The following MVK variants were observed in gnomAD, a reference collection of about 807,000 sequenced individuals.
The protein encoded by MVK is mevalonate kinase.
In MVK, 34 loss-of-function variants were observed where a neutral mutation model predicts 43.2. That is an observed-to-expected ratio of 0.79 (90% CI 0.60 to 1.05). The LOEUF is 1.05. Among genes scored for constraint, MVK ranks in the 50% least tolerant of loss-of-function variants. The pLI, the probability that MVK is intolerant of heterozygous loss-of-function variation, is 0.00. For missense variants in MVK, 395 were observed against 504.0 expected (o/e 0.78, Z 2.07); for synonymous variants, 190 against 219.8 (o/e 0.86, Z 1.20).
At chr12:109,591,105 C>G (rs1450278313) in intron 8 of MVK, 136 bp from the exon 9 acceptor site, 1 of 975,748 alleles carries the variant, frequency 1.0e-6, no homozygotes, top group African/African-American at 1.6e-5. Context: ...AAAACAGGCT[C>G]AGAAGAGAGG....
Position 109,596,527 on chromosome 12 carries a change from T to C in MVK, c.1141T>C (p.Ser381Pro). The change falls in exon 11 of 11, where the codon TCA becomes CCA. Residue 381 changes from serine (S) to proline (P), a missense_variant. Transcript: ENST00000228510. ...CGGTGCCCCCGGCGTCTCCATCCAC[T>C]CAGCCACCTCCCTGGACAGCCGAGT... Reference protein sequence around the residue: ...SIGAPGVSIHSATSLDSRVQQ... With the variant: ...SIGAPGVSIHPATSLDSRVQQ... 2 of 1,612,486 alleles carry C rather than the reference T, an allele frequency of 1.2e-6. No homozygotes were observed. Among genetic ancestry groups the C allele is most frequent in the Non-Finnish European group, 1.7e-6 (2 of 1,179,926 alleles).
intron 1 of MVK, among the ~76,000 whole-genome samples, chr12:109,574,562 G>A (rs985418727): frequency 6.6e-6 from 1 of 152,148 alleles, no homozygotes; most frequent in Non-Finnish European, 1.5e-5. Flanking sequence ...GGAAACCGAG[G>A]TTCTTAGCCA....
Position 109,573,822 on chromosome 12 carries a change from C to T in MVK, c.-66C>T. The T allele has an allele frequency of 4.0e-6, 1 of 248,982 alleles. No individual in the cohort carries two copies. Among genetic ancestry groups the T allele is most frequent in the Admixed American group, 5.6e-5 (1 of 17,812 alleles). 15.4% of individuals were successfully genotyped at this position (248,982 alleles called of 1,614,324 possible). On this transcript the variant is annotated 5_prime_UTR_variant, in exon 1 of 11. Coordinates refer to ENST00000228510, the MANE Select transcript of MVK (RefSeq NM_000431.4). The stretch of plus-strand genomic sequence containing the variant: ...CTGGGTTGTGGGAGTTGGGGAGCTG[C>T]TCCGGCTTCGGCGCGGAGGGGCGGC...
At chr12:109,587,443 C>T (rs1956007358) in intron 7 of MVK, among the ~76,000 whole-genome samples, 1 of 152,178 alleles carries the variant, frequency 6.6e-6, no homozygotes, top group African/African-American at 2.4e-5. Context: ...TTTCAGCATC[C>T]TCTGTTCTGT....
At chr12:109,592,420 G>A (rs1442908047) in intron 9 of MVK, among the ~76,000 whole-genome samples, 4 of 152,318 alleles carry the variant, frequency 2.6e-5, no homozygotes, top group South Asian at 2.1e-4. Context: ...TGCAGCAGCC[G>A]TCAGTGAAGG....
intron 1 of MVK, among the ~76,000 whole-genome samples, chr12:109,574,216 C>A (rs1181671486): frequency 6.6e-6 from 1 of 152,204 alleles, no homozygotes; most frequent in Non-Finnish European, 1.5e-5. Context: ...CTGCAAGCTC[C>A]TTTCTAGGAC....
intron 9 of MVK, 27 bp downstream of exon 9, chr12:109,591,384 GT>G (rs1566150925): frequency 4.4e-6 from 7 of 1,599,164 alleles, no homozygotes; most frequent in Non-Finnish European, 6.0e-6. Context: ...AGGAACCGGG[GT>G]TACTGAGTCC....
chr12:109,579,516 C>T (rs1277897036), intron 3 of MVK, among the ~76,000 whole-genome samples: 3 of 152,210 alleles, frequency 2.0e-5, no homozygotes, highest in Non-Finnish European at 4.4e-5. Context: ...TTTAACTTTA[C>T]GTTCCTGACA....
chr12:109,585,142 C>T lies in MVK; in HGVS notation c.528-880C>T, dbSNP rs563853926. ...TGGTCCATGGAAGGCAGTGAGGCCA[C>T]GTGCTTGGGAGAGATCCAGACATGG... On this transcript the variant is annotated intron_variant, in intron 5 of 10. Coordinates refer to ENST00000228510, the MANE Select transcript of MVK (RefSeq NM_000431.4). Among the ~76,000 whole-genome samples, 8 of 152,318 alleles carry T rather than the reference C, an allele frequency of 5.3e-5. No individual in the cohort carries two copies. In the East Asian group the frequency reaches 7.7e-4, roughly 15 times the overall value.
At chr12:109,585,640 G>A (rs956682167) in intron 5 of MVK, among the ~76,000 whole-genome samples, 1 of 152,158 alleles carries the variant, frequency 6.6e-6, no homozygotes, top group Non-Finnish European at 1.5e-5. Context: ...GTGCTGGTGT[G>A]CACCTGTTGT....
Position 109,595,168 on chromosome 12 carries a change from A to G in MVK, c.1026A>G (p.Thr342=). 6.2e-7 allele frequency: 1 copy of G among 1,613,088 alleles called. No homozygotes were observed. The highest frequency in any genetic ancestry group is 8.5e-7 in the Non-Finnish European group (1 of 1,179,798). Residue 342 remains threonine, a synonymous_variant, in exon 10 of 11, where the codon ACA becomes ACG. Transcript: ENST00000228510. This position sits in a 1 kb window ranked among gnomAD's most constrained non-coding sequence, Gnocchi z 5.9. Reference sequence around the variant, plus strand: ...CAGGCGGTGGTGGCTGTGGCATCACACTCCTCAAGCCAGGTATCCCGGGGG... The same window carrying G: ...CAGGCGGTGGTGGCTGTGGCATCACGCTCCTCAAGCCAGGTATCCCGGGGG... The part of the protein sequence containing the change: ...TGAGGGGCGI[T]LLKPGLEQPE...
In MVK at chr12:109,591,152, ACCT is replaced by A. The variant is rs1013660689; in HGVS notation, c.769-83_769-81del. 3.2e-6 allele frequency: 4 copies of A among 1,265,504 alleles called. No individual in the cohort carries two copies. In the African/African-American group the frequency reaches 5.9e-5, roughly 19 times the overall value. The allele number at this position is 1,265,504 out of a possible 1,614,324, so 78.4% of individuals were successfully genotyped here. ...GAGGATGGGCACGGGCTGTGTGAAC[ACCT>A]CCTCCCTCCACCCCACTGCTGGGGC... On this transcript the variant is annotated intron_variant, in intron 8 of 10. Coordinates refer to ENST00000228510, the MANE Select transcript of MVK (RefSeq NM_000431.4).
chr12:109,587,289 G>T (rs527789793), intron 7 of MVK, among the ~76,000 whole-genome samples: 244 of 152,288 alleles, frequency 1.6e-3, no homozygotes, highest in African/African-American at 5.6e-3. Flanking sequence ...GGATGGAAGC[G>T]GGAGGGAGGC....
chr12:109,587,994 CTTGCCGCCGACCT>C (rs138132380), intron 7 of MVK: 25,943 of 152,242 alleles, frequency 0.17, 2,291 homozygotes, highest in African/African-American at 0.19. Flanking sequence ...CAGAATCACC[CTTGCCGCCGACCT>C]TTGCACTCCG....
At chr12:109,573,538 G>T, upstream of MVK, 1 of 1,554,166 alleles carries the variant, frequency 6.4e-7, no homozygotes, top group Non-Finnish European at 8.7e-7. Flanking sequence ...TCCGCGGGGT[G>T]ACTCCACCCA....
intron 4 of MVK, among the ~76,000 whole-genome samples, chr12:109,580,254 C>T (rs939900360): frequency 4.6e-5 from 7 of 152,100 alleles, no homozygotes; most frequent in Non-Finnish European, 1.0e-4. Context: ...AGGTGCGCAC[C>T]ACCATGCCTG....
chr12:109,584,873 G>A (rs540628339), intron 5 of MVK, among the ~76,000 whole-genome samples: 1 of 152,214 alleles, frequency 6.6e-6, no homozygotes, highest in Non-Finnish European at 1.5e-5. Context: ...GGACAAGAGC[G>A]AAACTCCATC....
rs373095009 is a variant in MVK at position 109,576,038 on chromosome 12, G to T, written c.119G>T (p.Arg40Leu). Residue 40 changes from arginine to leucine, a missense_variant, in exon 3 of 11, where the codon CGG becomes CTG. By Grantham distance (102) the Arg-to-Leu change is moderately radical. Transcript: ENST00000228510. ...TCCTTGAACTTGAGAACATTCCTCC[G>T]GCTTCAACCCCACAGCAATGGGAAA... is the stretch of plus-strand genomic sequence containing the variant. Reference protein sequence around the residue: ...AVSLNLRTFLRLQPHSNGKVD... With the variant: ...AVSLNLRTFLLLQPHSNGKVD... The T allele has an allele frequency of 6.8e-6, 11 of 1,614,016 alleles. No homozygotes were observed. The highest frequency in any genetic ancestry group is 9.3e-6 in the Non-Finnish European group (11 of 1,180,022).
At chr12:109,580,032 C>T in intron 4 of MVK, 86 bp downstream of exon 4, 2 of 1,575,490 alleles carry the variant, frequency 1.3e-6, no homozygotes, top group South Asian at 1.1e-5. Flanking sequence ...CTGGAGAATG[C>T]ACATGCTCTC....
Sources: allele counts gnomAD v4.1 joint callset (sites outside exome capture counted in the v4.1 genomes callset), GRCh38; gene constraint gnomAD v4.1.1; non-coding constraint Gnocchi (gnomAD v3.1); transcripts MANE v1.5; gene names NCBI Gene and HGNC (gene_info 2026-07-23, HGNC 2026-07-21).